FAM107B: variants seen among roughly 807,000 people sequenced by gnomAD.
FAM107B encodes the protein family with sequence similarity 107 member B, also known as protein FAM107B.
A neutral mutation model predicts 31.5 loss-of-function variants in FAM107B; 21 were observed. The ratio of observed to expected loss-of-function variants is 0.67; its 90% CI spans 0.47 to 0.96. The LOEUF is 0.96. Among genes scored for constraint, FAM107B ranks in the 40% least tolerant of loss-of-function variants. FAM107B has a pLI of 0.00. For synonymous variants in FAM107B, 157 were observed against 141.5 expected (o/e 1.11, Z -0.78); for missense variants, 452 against 377.1 (o/e 1.20, Z -1.64).
chr10:14,759,899 C>T (rs894846870), intron 1 of FAM107B, among the ~76,000 whole-genome samples: 9 of 151,852 alleles, frequency 5.9e-5, no homozygotes, highest in Admixed American at 2.6e-4. Context: ...TTTAGTAGAG[C>T]CAGGGTTCCA....
At chr10:14,686,148 G>T (rs1038880967) in intron 1 of FAM107B, among the ~76,000 whole-genome samples, 3 of 152,108 alleles carry the variant, frequency 2.0e-5, no homozygotes, top group African/African-American at 7.2e-5. Flanking sequence ...CAGCACTTTG[G>T]GAGGCCGAGG....
intron 1 of FAM107B, among the ~76,000 whole-genome samples, chr10:14,763,864 A>G (rs1175883070): frequency 6.6e-6 from 1 of 152,252 alleles, no homozygotes; most frequent in Non-Finnish European, 1.5e-5. Context: ...TATACACATT[A>G]TTATTACTGC....
At chr10:14,584,982 A>C (rs941791654) in intron 2 of FAM107B, among the ~76,000 whole-genome samples, 1 of 152,206 alleles carries the variant, frequency 6.6e-6, no homozygotes, top group African/African-American at 2.4e-5. Flanking sequence ...ACTTCGCTTC[A>C]GCCTCTGATT....
intron 1 of FAM107B, among the ~76,000 whole-genome samples, chr10:14,761,561 A>G (rs576927669): frequency 6.6e-6 from 1 of 152,244 alleles, no homozygotes; most frequent in Non-Finnish European, 1.5e-5. Flanking sequence ...AAAGCATGCT[A>G]ATGATACAAG....
chr10:14,762,754 T>TCACA (rs35574582), intron 1 of FAM107B, among the ~76,000 whole-genome samples: 1,211 of 116,134 alleles, frequency 0.01, 9 homozygotes, highest in Middle Eastern at 0.025. Context: ...AAACTCTGTC[T>TCACA]CACACACACA....
intron 2 of FAM107B, among the ~76,000 whole-genome samples, chr10:14,561,084 T>C (rs1352300991): frequency 1.3e-5 from 2 of 152,256 alleles, no homozygotes; most frequent in Non-Finnish European, 2.9e-5. Flanking sequence ...GCCGGACACC[T>C]GGCGAGTAAA....
chr10:14,717,128 C>T (rs1029050380), intron 1 of FAM107B, among the ~76,000 whole-genome samples: 1 of 152,044 alleles, frequency 6.6e-6, no homozygotes, highest in Admixed American at 6.6e-5. Flanking sequence ...GTGACTTGTA[C>T]ATGGCAACCA....
intron 1 of FAM107B, among the ~76,000 whole-genome samples, chr10:14,762,799 C>CAAAA (rs1435858730): frequency 1.4e-5 from 2 of 143,638 alleles, no homozygotes; most frequent in African/African-American, 5.4e-5. Context: ...CACACACACA[C>CAAAA]ACAAAAAGAA....
At chr10:14,700,222 C>T (rs908658345) in intron 1 of FAM107B, among the ~76,000 whole-genome samples, 4 of 152,110 alleles carry the variant, frequency 2.6e-5, no homozygotes, top group African/African-American at 7.2e-5. Flanking sequence ...TGTGAGCCAC[C>T]GCGCCAGGCC....
At chr10:14,708,721 G>T (rs2688830) in intron 1 of FAM107B, among the ~76,000 whole-genome samples, 1 of 152,128 alleles carries the variant, frequency 6.6e-6, no homozygotes, top group African/African-American at 2.4e-5. Context: ...AATATTTGCA[G>T]AGCACATAGC....
chr10:14,687,393 A>G (rs1310309459), intron 1 of FAM107B, among the ~76,000 whole-genome samples: 1 of 152,010 alleles, frequency 6.6e-6, no homozygotes, highest in African/African-American at 2.4e-5. Flanking sequence ...GAGGTTCAAC[A>G]CTCTTGTTAT....
chr10:14,572,045 T>C, intron 2 of FAM107B: 9 of 985,360 alleles, frequency 9.1e-6, no homozygotes, highest in Non-Finnish European at 1.1e-5. Context: ...AAAACAAGAA[T>C]TAACCATCCC....
chr10:14,572,498 G>T, intron 2 of FAM107B: 11 of 676,642 alleles, frequency 1.6e-5, no homozygotes, highest in South Asian at 6.7e-5. Flanking sequence ...CCTGAGGCTG[G>T]GATTCATGGC....
At chr10:14,681,134 G>A (rs1238527771) in intron 1 of FAM107B, among the ~76,000 whole-genome samples, 1 of 152,218 alleles carries the variant, frequency 6.6e-6, no homozygotes, top group East Asian at 1.9e-4. Context: ...TGGTTCACGT[G>A]CTTGCAAAGC....
chr10:14,677,586 A>C (rs528376050), intron 1 of FAM107B, among the ~76,000 whole-genome samples: 3 of 151,958 alleles, frequency 2.0e-5, no homozygotes, highest in African/African-American at 2.4e-5. Context: ...GCGCCACTGC[A>C]CTCCAGCCTG....
At chr10:14,542,266 T>C in intron 2 of FAM107B, among the ~76,000 whole-genome samples, 1 of 127,266 alleles carries the variant, frequency 7.9e-6, no homozygotes, top group South Asian at 2.6e-4. Context: ...TGAGACTCCA[T>C]CTCAAAAAAA....
intron 1 of FAM107B, among the ~76,000 whole-genome samples, chr10:14,733,128 G>A (rs1228181991): frequency 1.3e-5 from 2 of 149,630 alleles, no homozygotes; most frequent in Non-Finnish European, 3.0e-5. Context: ...TTTTATATAT[G>A]TTAAAATATT....
chr10:14,677,592 G>A (rs1246972073), intron 1 of FAM107B, among the ~76,000 whole-genome samples: 1 of 152,002 alleles, frequency 6.6e-6, no homozygotes, highest in Non-Finnish European at 1.5e-5. Flanking sequence ...CTGCACTCCA[G>A]CCTGGGCGAC....
intron 2 of FAM107B, chr10:14,572,051 AT>A (rs1851270769): frequency 1.0e-6 from 1 of 985,454 alleles, no homozygotes; most frequent in Non-Finnish European, 1.2e-6. Context: ...AGAATTAACC[AT>A]CCCCACAAAG....
Sources: gnomAD v4.1 joint callset for allele counts (sites outside exome capture counted in the v4.1 genomes callset) on GRCh38, gnomAD v4.1.1 for gene constraint, MANE v1.5 for transcripts, NCBI Gene and HGNC (gene_info 2026-07-23, HGNC 2026-07-21) for gene names.